The following ZNFX1 variants were observed in gnomAD, a reference collection of about 807,000 sequenced individuals.
ZNFX1 encodes the protein zinc finger NFX1-type containing 1.
A neutral mutation model predicts 179.8 loss-of-function variants in ZNFX1; 78 were observed. The ratio of observed to expected loss-of-function variants is 0.43; its 90% CI spans 0.36 to 0.52. The LOEUF is 0.52. Among genes scored for constraint, ZNFX1 ranks in the 20% least tolerant of loss-of-function variants. The probability of loss-of-function intolerance (pLI) is 0.00; values close to 1 mark genes in which losing one functional copy is unlikely to be tolerated. For missense variants in ZNFX1, 1,927 were observed against 2,386.6 expected (o/e 0.81, Z 4.01); for synonymous variants, 848 against 868.5 (o/e 0.98, Z 0.42).
chr20:49,263,320 A>T lies in ZNFX1; in HGVS notation c.2301+14T>A, dbSNP rs1400789468. 3 of 1,611,760 alleles carry T rather than the reference A, an allele frequency of 1.9e-6. No individual in the cohort carries two copies. In the South Asian group the frequency reaches 3.3e-5, roughly 18 times the overall value. On this transcript the variant is annotated intron_variant, in intron 6 of 13. Transcript: ENST00000396105. ...GGCCAGAGACATATTTGTGTCCCCC[A>T]GGATGACCCCTACCTGCACTGGTCC... is the stretch of plus-strand genomic sequence containing the variant.
chr20:49,264,369 C>T (rs1469712869), intron 5 of ZNFX1, among the ~76,000 whole-genome samples: 4 of 152,154 alleles, frequency 2.6e-5, no homozygotes, highest in African/African-American at 7.2e-5. Context: ...CTCTCTTTTC[C>T]TTAGTAATAA....
In ZNFX1 at chr20:49,257,450, T is replaced by C. The variant is rs746460863; in HGVS notation, c.2631A>G (p.Ala877=). The change falls in exon 8 of 14, where the codon GCA becomes GCG. Residue 877 remains alanine (A), a synonymous_variant. Coordinates refer to ENST00000396105, the MANE Select transcript of ZNFX1 (RefSeq NM_021035.3). ...MRLDHCGTGT[A]AGQEQATGEW... is the part of the protein sequence containing the mutation. Reference sequence around the variant, plus strand: ...CTCCTGTGGCTTGCTCCTGTCCAGCTGCTGTCCCAGTGCCACAATGGTCTA... The same window carrying C: ...CTCCTGTGGCTTGCTCCTGTCCAGCCGCTGTCCCAGTGCCACAATGGTCTA... 3 of 1,614,146 alleles carry C rather than the reference T, an allele frequency of 1.9e-6. No individual in the cohort carries two copies. The highest frequency in any genetic ancestry group is 3.3e-5 in the Admixed American group (2 of 60,006).
At position 49,254,481 on chromosome 20, in the gene ZNFX1, CCA is replaced by C. The variant is rs1980919801; in HGVS notation, c.2959+12_2959+13del. 6 of 1,612,434 alleles carry C rather than the reference CCA, an allele frequency of 3.7e-6. No individual in the cohort carries two copies. The highest frequency in any genetic ancestry group is 1.7e-5 in the Admixed American group (1 of 59,932). On this transcript the variant is annotated intron_variant, in intron 10 of 13. Transcript: ENST00000396105. ...ACTTAGATGCAACAGGCAAATTTCTCCACAGTTTCTTACCTGTGGTTGTCATT... is the reference window on the plus strand; with the variant it reads ...ACTTAGATGCAACAGGCAAATTTCTCCAGTTTCTTACCTGTGGTTGTCATT...
Position 49,270,831 on chromosome 20 carries a change from T to C in ZNFX1, c.981A>G (p.Glu327=). 6.2e-7 allele frequency: 1 copy of C among 1,614,184 alleles called. No individual in the cohort carries two copies. The part of the protein sequence containing the change: ...DTYTLVQPEA[E]DHVESYRTMP... ...TGGTTCGGTAGCTCTCAACATGGTC[T>C]TCTGCCTCAGGCTGCACTAGAGTGT... is the stretch of plus-strand genomic sequence containing the variant. The change falls in exon 3 of 14, where the codon GAA becomes GAG. Residue 327 remains glutamate, a synonymous_variant. Coordinates refer to ENST00000396105, the MANE Select transcript of ZNFX1 (RefSeq NM_021035.3). The surrounding 1 kb of genome is among the most constrained non-coding windows in gnomAD (Gnocchi z 4.6).
chr20:49,247,659 A>T lies in ZNFX1; in HGVS notation c.5365T>A (p.Tyr1789Asn), dbSNP rs1206649171. The change falls in exon 14 of 14, where the codon TAT becomes AAT. Residue 1789 changes from tyrosine (Y) to asparagine (N), a missense_variant. Transcript: ENST00000396105. ...TTCTCAAGGATATTCTGGACACTAT[A>T]GACCTCTACTGCTATGCTATCTTTC... ...KVKDSIAVEV[Y>N]SVQNILEKTC... 1 of 1,614,212 alleles carries T rather than the reference A, an allele frequency of 6.2e-7. No homozygotes were observed. The highest frequency in any genetic ancestry group is 1.7e-5 in the Admixed American group (1 of 60,018).
chr20:49,249,830 T>C (rs998914466), intron 13 of ZNFX1, 119 bp from the exon 14 acceptor site: 22 of 1,086,554 alleles, frequency 2.0e-5, no homozygotes, highest in African/African-American at 4.8e-5. Flanking sequence ...GGAAAGCTTT[T>C]TGTCCACTCA....
At chr20:49,251,715 G>T in intron 12 of ZNFX1, 93 bp from the exon 13 acceptor site, 1 of 1,052,426 alleles carries the variant, frequency 9.5e-7, no homozygotes, top group Non-Finnish European at 1.4e-6. Context: ...AATTTAGGGA[G>T]GGCCAGTTGT....
Position 49,249,721 on chromosome 20 carries a change from A to T in ZNFX1, c.3313-10T>A. 5 of 1,601,034 alleles carry T rather than the reference A, an allele frequency of 3.1e-6. No individual in the cohort carries two copies. The highest frequency in any genetic ancestry group is 4.3e-6 in the Non-Finnish European group (5 of 1,172,402). On this transcript the variant is annotated splice_polypyrimidine_tract_variant and intron_variant, in intron 13 of 13. Transcript: ENST00000396105. ...GGTTGGAAGACACCCCCTGACAGGG[A>T]AAAGAAGTGACATGTTAAAAGGTTC...
intron 13 of ZNFX1, among the ~76,000 whole-genome samples, chr20:49,250,356 C>T (rs1171377126): frequency 6.6e-6 from 1 of 152,204 alleles, no homozygotes; most frequent in East Asian, 1.9e-4. Context: ...GACAGAGCAG[C>T]TAACTTACTG....
At position 49,249,028 on chromosome 20, in the gene ZNFX1, C is replaced by T. The variant is rs186666608; in HGVS notation, c.3996G>A (p.Arg1332=). The T allele has an allele frequency of 2.5e-6, 4 of 1,614,246 alleles. No homozygotes were observed. In the Admixed American group the frequency reaches 5.0e-5, roughly 20 times the overall value. ...ACTCCTGGAAGCAAACAAGGGGACA[C>T]CGGTGCCCTTCCTGACAGATGACCT... The part of the protein sequence containing the change: ...CQKVICQEGH[R]CPLVCFQECQ... Residue 1332 remains arginine, a synonymous_variant, in exon 14 of 14, where the codon CGG becomes CGA. Coordinates refer to ENST00000396105, the MANE Select transcript of ZNFX1 (RefSeq NM_021035.3).
chr20:49,261,481 T>C (rs1981109339), intron 6 of ZNFX1, among the ~76,000 whole-genome samples: 1 of 152,176 alleles, frequency 6.6e-6, no homozygotes. Context: ...TACTGCATGT[T>C]CTCACTTATA....
rs1980726790 is a variant in ZNFX1, at chr20:49,248,091, T to C, written c.4933A>G (p.Ile1645Val). 6.2e-7 allele frequency: 1 copy of C among 1,614,068 alleles called. No homozygotes were observed. Among genetic ancestry groups the C allele is most frequent in the African/African-American group, 1.3e-5 (1 of 74,922 alleles). ...GAGCCCTGGATCTTTTCCTTGATGA[T>C]TTCAATCTCTTCTAGCCGCTGTTTT... ...SIKQRLEEIEIIKEKIQGSAG... is the reference protein window; with the variant it reads ...SIKQRLEEIEVIKEKIQGSAG... Residue 1645 changes from isoleucine to valine, a missense_variant, in exon 14 of 14, where the codon ATC becomes GTC. Ile to Val is a conservative substitution (Grantham distance 29). Transcript: ENST00000396105. This position sits in a 1 kb window ranked among gnomAD's most constrained non-coding sequence, Gnocchi z 4.6.
intron 2 of ZNFX1, among the ~76,000 whole-genome samples, chr20:49,274,476 G>A (rs112730379): frequency 0.016 from 2,492 of 152,206 alleles, 60 homozygotes; most frequent in African/African-American, 0.057. Flanking sequence ...TAAATTTCAA[G>A]GCCAGGCACA....
At position 49,270,361 on chromosome 20, in the gene ZNFX1, A is replaced by C. The variant is rs1981351330; in HGVS notation, c.1451T>G (p.Leu484Arg). The change falls in exon 3 of 14, where the codon CTC becomes CGC. Residue 484 changes from leucine to arginine, a missense_variant. Transcript: ENST00000396105. This position sits in a 1 kb window ranked among gnomAD's most constrained non-coding sequence, Gnocchi z 4.6. ...CTGTTGGCTTTGCTCATTGAAGCAG[A>C]GCTGGACAATTCCTCGGCAGAGATC... The part of the protein sequence containing the change: ...QEDLCRGIVQ[L>R]CFNEQSQQLL... The C allele has an allele frequency of 3.7e-6, 6 of 1,614,202 alleles. No individual in the cohort carries two copies. Among genetic ancestry groups the C allele is most frequent in the Non-Finnish European group, 5.1e-6 (6 of 1,180,036 alleles).
intron 2 of ZNFX1, among the ~76,000 whole-genome samples, chr20:49,272,180 CTT>C (rs72383185): frequency 8.5e-5 from 12 of 140,816 alleles, no homozygotes; most frequent in Non-Finnish European, 1.2e-4. Context: ...TCAGTTTCTG[CTT>C]TTTTTTTTTT....
intron 3 of ZNFX1, among the ~76,000 whole-genome samples, chr20:49,266,660 T>TC (rs1222207198): frequency 4.0e-4 from 37 of 92,832 alleles, no homozygotes; most frequent in East Asian, 7.5e-4. Flanking sequence ...GAGAATCCCA[T>TC]CCCCCCCACC....
intron 13 of ZNFX1, 125 bp from the exon 14 acceptor site, chr20:49,249,836 A>T: frequency 1.1e-6 from 1 of 915,392 alleles, no homozygotes; most frequent in South Asian, 1.8e-5. Context: ...CTTTTTGTCC[A>T]CTCAACATCA....
chr20:49,251,000 C>T (rs1034285109), intron 13 of ZNFX1, among the ~76,000 whole-genome samples: 5 of 152,168 alleles, frequency 3.3e-5, no homozygotes, highest in South Asian at 2.1e-4. Flanking sequence ...TAAGCCACCG[C>T]GCCTGGCCAG....
intron 8 of ZNFX1, 47 bp downstream of exon 8, chr20:49,257,370 G>T: frequency 6.2e-7 from 1 of 1,606,426 alleles, no homozygotes; most frequent in Non-Finnish European, 8.5e-7. Context: ...GAAAACAAGC[G>T]GTCAGAACAC....
Sources: gnomAD v4.1 joint callset for allele counts (sites outside exome capture counted in the v4.1 genomes callset) on GRCh38, gnomAD v4.1.1 for gene constraint, Gnocchi (gnomAD v3.1) non-coding constraint, MANE v1.5 for transcripts, NCBI Gene and HGNC (gene_info 2026-07-23, HGNC 2026-07-21) for gene names.